EPM2A: variants seen among roughly 807,000 people sequenced by gnomAD.
EPM2A encodes EPM2A glucan phosphatase, laforin.
Under a neutral mutation model 26.5 loss-of-function variants are expected in EPM2A, and 21 were observed. The ratio of observed to expected loss-of-function variants is 0.79; its 90% CI spans 0.56 to 1.14. The LOEUF (loss-of-function observed/expected upper bound fraction) is 1.14. Among genes scored for constraint, EPM2A ranks in the 50% most tolerant of loss-of-function variants. The probability of loss-of-function intolerance (pLI) is 0.00; values close to 1 mark genes in which losing one functional copy is unlikely to be tolerated. For synonymous variants in EPM2A, 217 were observed against 177.6 expected (o/e 1.22, Z -1.76); for missense variants, 458 against 440.8 (o/e 1.04, Z -0.35).
chr6:145,394,391 T>C (rs2114660714), intron 4 of EPM2A, among the ~76,000 whole-genome samples: 1 of 152,240 alleles, frequency 6.6e-6, no homozygotes, highest in South Asian at 2.1e-4. Flanking sequence ...TGGGCCAATC[T>C]AACACTGATA....
Position 145,481,957 on chromosome 6 carries a change from C to A in EPM2A, c.555+20565G>T, listed in dbSNP as rs369386786. ...AACCATGGTCATTCACTAAGTCAAT[C>A]ATACAAATGCTTAGAAGCAAATCTT... On this transcript the variant is annotated intron_variant, in intron 4 of 4. Transcript: ENST00000638717. Among the ~76,000 whole-genome samples, 30 of 152,216 alleles carry A rather than the reference C, an allele frequency of 2.0e-4. No individual in the cohort carries two copies. The East Asian group carries it at 3.7e-3, about 19-fold the overall frequency.
chr6:145,731,942 T>C (rs769946129), intron 1 of EPM2A, among the ~76,000 whole-genome samples: 7 of 152,180 alleles, frequency 4.6e-5, no homozygotes, highest in Admixed American at 1.3e-4. Context: ...TAGAAATTAC[T>C]GAGGCAAAGT....
intron 4 of EPM2A, among the ~76,000 whole-genome samples, chr6:145,400,866 G>A (rs1328550679): frequency 2.6e-5 from 4 of 151,888 alleles, no homozygotes; most frequent in Non-Finnish European, 5.9e-5. Flanking sequence ...TCTGCTTCCC[G>A]CCTACAGGTT....
chr6:145,432,530 C>A (rs1248778000), intron 4 of EPM2A, among the ~76,000 whole-genome samples: 1 of 149,368 alleles, frequency 6.7e-6, no homozygotes, highest in African/African-American at 2.5e-5. Context: ...GTAGTCTCAG[C>A]AGTGGGCTTC....
intron 2 of EPM2A, among the ~76,000 whole-genome samples, chr6:145,676,198 G>C (rs906922491): frequency 3.9e-5 from 6 of 152,076 alleles, no homozygotes; most frequent in African/African-American, 1.4e-4. Flanking sequence ...ATGAAATGAA[G>C]GCAGAAATAA....
chr6:145,569,513 G>T (rs1251672929), intron 2 of EPM2A, among the ~76,000 whole-genome samples: 1 of 152,208 alleles, frequency 6.6e-6, no homozygotes, highest in Non-Finnish European at 1.5e-5. Context: ...GCATTTGCAT[G>T]TTAATCTTGT....
chr6:145,538,517 C>A (rs1038957137), intron 2 of EPM2A, among the ~76,000 whole-genome samples: 2 of 152,222 alleles, frequency 1.3e-5, no homozygotes, highest in Non-Finnish European at 2.9e-5. Flanking sequence ...AAAGCTTGAA[C>A]AGCAATCAGC....
chr6:145,591,884 A>G (rs948419698), intron 2 of EPM2A, among the ~76,000 whole-genome samples: 3 of 151,956 alleles, frequency 2.0e-5, no homozygotes, highest in African/African-American at 7.3e-5. Context: ...AAAAAGGTAA[A>G]ATTAATATTA....
At chr6:145,482,199 A>G (rs1331596908) in intron 4 of EPM2A, among the ~76,000 whole-genome samples, 2 of 152,206 alleles carry the variant, frequency 1.3e-5, no homozygotes, top group Non-Finnish European at 2.9e-5. Context: ...TGATTTCAGT[A>G]GCACTATTAG....
rs1424037887 is a variant in EPM2A at position 145,511,232 on chromosome 6, G to T, written c.341-8657C>A. Among the ~76,000 whole-genome samples the T allele has an allele frequency of 2.0e-5, 3 of 152,130 alleles. 1 individual carries two copies. In the East Asian group the frequency reaches 5.8e-4, roughly 29 times the overall value. On this transcript the variant is annotated intron_variant, in intron 2 of 3. Transcript: ENST00000450221. The stretch of plus-strand genomic sequence containing the variant: ...TATATTCCAAAAAATTGAGGAAGGG[G>T]GATTCCTCCCTGACTCATTCTACAA...
In EPM2A at chr6:145,675,940, C is replaced by T. The variant is rs181254346; in HGVS notation, c.476+10182G>A. On this transcript the variant is annotated intron_variant, in intron 2 of 3. Coordinates refer to ENST00000367519, the MANE Select transcript of EPM2A (RefSeq NM_005670.4). ...CTCTGCACCAAGCAGACCTAATAGA[C>T]ATCTACAGAACTTTTCACCCAAAAT... Among the ~76,000 whole-genome samples, 8 of 152,334 alleles carry T rather than the reference C, an allele frequency of 5.3e-5. No homozygotes were observed. In the East Asian group the frequency reaches 1.5e-3, roughly 29 times the overall value.
At chr6:145,403,223 T>C (rs1241625938) in intron 4 of EPM2A, among the ~76,000 whole-genome samples, 1 of 152,142 alleles carries the variant, frequency 6.6e-6, no homozygotes, top group Non-Finnish European at 1.5e-5. Flanking sequence ...CTCAAACATT[T>C]ATCCTTTGAG....
chr6:145,735,105 G>T, intron 1 of EPM2A, 93 bp downstream of exon 1: 1 of 878,840 alleles, frequency 1.1e-6, no homozygotes, highest in Non-Finnish European at 1.6e-6. Context: ...GCGCCGCCGG[G>T]GCCTGCGGGG....
rs1343255475 is a variant in EPM2A at position 145,645,986 on chromosome 6, C to G, written c.477-10500G>C. Among the ~76,000 whole-genome samples the G allele has an allele frequency of 2.6e-5, 4 of 152,226 alleles. No homozygotes were observed. In the South Asian group the frequency reaches 8.3e-4, roughly 32 times the overall value. The stretch of plus-strand genomic sequence containing the variant: ...ATCTAAGCTTGGCGTTCTCATCTAA[C>G]GAGAAGAGTCTGGATCTCAAATTTT... On this transcript the variant is annotated intron_variant, in intron 2 of 3. Transcript: ENST00000367519.
chr6:145,438,469 ATTTT>A (rs68038397), intron 4 of EPM2A, among the ~76,000 whole-genome samples: 2 of 117,208 alleles, frequency 1.7e-5, no homozygotes. Flanking sequence ...GAAGGGAATA[ATTTT>A]TTTTTTTTTT....
chr6:145,642,898 A>C (rs1777194370), intron 2 of EPM2A, among the ~76,000 whole-genome samples: 1 of 152,166 alleles, frequency 6.6e-6, no homozygotes, highest in Non-Finnish European at 1.5e-5. Flanking sequence ...GCAATGAAAA[A>C]CCAATGAAAG....
At chr6:145,505,940 G>A (rs1779966785) in intron 2 of EPM2A, among the ~76,000 whole-genome samples, 1 of 152,182 alleles carries the variant, frequency 6.6e-6, no homozygotes, top group Admixed American at 6.5e-5. Flanking sequence ...TCTAGTAGAA[G>A]TTCCTAGTTG....
intron 2 of EPM2A, among the ~76,000 whole-genome samples, chr6:145,654,678 C>T (rs1049163456): frequency 1.3e-5 from 2 of 152,128 alleles, no homozygotes; most frequent in Admixed American, 1.3e-4. Flanking sequence ...TCATTGATAT[C>T]ACTTCCTCAT....
chr6:145,734,055 A>AG (rs1228047551), intron 1 of EPM2A, among the ~76,000 whole-genome samples: 1 of 51,102 alleles, frequency 2.0e-5, no homozygotes, highest in East Asian at 7.5e-4. Context: ...ATGAAGTGTT[A>AG]AAAAAAATGA....
Sources: allele counts gnomAD v4.1 joint callset (sites outside exome capture counted in the v4.1 genomes callset), GRCh38; gene constraint gnomAD v4.1.1; transcripts MANE v1.5; gene names NCBI Gene and HGNC (gene_info 2026-07-23, HGNC 2026-07-21).